Variants in PLCE1 observed in about 807,000 individuals in gnomAD.
PLCE1 encodes phospholipase C epsilon 1.
PLCE1 carries 119 observed loss-of-function variants against 242.8 expected under a neutral mutation model. The ratio of observed to expected loss-of-function variants is 0.49; its 90% CI spans 0.42 to 0.57. The LOEUF (loss-of-function observed/expected upper bound fraction) is 0.57. Ranked by LOEUF, PLCE1 falls within the 20% of genes least tolerant of loss-of-function variation. PLCE1 has a pLI of 0.00. For missense variants in PLCE1, 2,441 were observed against 2,788.8 expected (o/e 0.88, Z 2.81); for synonymous variants, 945 against 1,017.4 (o/e 0.93, Z 1.35).
chr10:94,000,389 C>T (rs1452532452), intron 1 of PLCE1, among the ~76,000 whole-genome samples: 2 of 152,154 alleles, frequency 1.3e-5, no homozygotes, highest in Non-Finnish European at 2.9e-5. Flanking sequence ...TAAGCATCCT[C>T]ATCTACATTA....
intron 2 of PLCE1, among the ~76,000 whole-genome samples, chr10:94,084,388 A>G (rs2044741268): frequency 6.6e-6 from 1 of 152,066 alleles, no homozygotes; most frequent in African/African-American, 2.4e-5. Flanking sequence ...TGGGGTAGGG[A>G]AGAACTGGAC....
At chr10:94,106,943 T>TCTCTCTCTCTCTCTCTCTCTCTCTCTCC (rs1222191133) in intron 2 of PLCE1, 1 of 122,488 alleles carries the variant, frequency 8.2e-6, no homozygotes, top group African/African-American at 3.3e-5. Flanking sequence ...TCTCTCTCTC[T>TCTCTCTCTCTCTCTCTCTCTCTCTCTCC]CCCCCTCCCC....
intron 26 of PLCE1, among the ~76,000 whole-genome samples, chr10:94,307,572 T>C (rs1302556767): frequency 6.6e-6 from 1 of 152,224 alleles, no homozygotes; most frequent in East Asian, 1.9e-4. Flanking sequence ...TCCTCGCAGT[T>C]CTGAAGGCTG....
intron 3 of PLCE1, among the ~76,000 whole-genome samples, chr10:94,134,922 C>A (rs537005623): frequency 1.2e-4 from 18 of 152,290 alleles, no homozygotes; most frequent in Admixed American, 2.6e-4. Context: ...TTTCTGAGAA[C>A]CCTCTAGAAA....
At chr10:94,221,751 A>G (rs2137087912) in intron 4 of PLCE1, among the ~76,000 whole-genome samples, 1 of 152,338 alleles carries the variant, frequency 6.6e-6, no homozygotes, top group East Asian at 1.9e-4. Context: ...AAGAAGAAGA[A>G]GAAGAAGAAG....
intron 22 of PLCE1, among the ~76,000 whole-genome samples, chr10:94,292,907 C>T (rs1343521887): frequency 1.3e-5 from 2 of 152,194 alleles, no homozygotes; most frequent in Non-Finnish European, 2.9e-5. Flanking sequence ...CTGCTCTGCA[C>T]CAGGCACTGT....
chr10:94,258,362 C>A (rs1230229727), intron 11 of PLCE1, among the ~76,000 whole-genome samples: 1 of 152,168 alleles, frequency 6.6e-6, no homozygotes. Context: ...AGGAATCAGA[C>A]AATACACTCA....
At chr10:94,310,924 CT>C (rs1479552775) in intron 27 of PLCE1, among the ~76,000 whole-genome samples, 1 of 152,194 alleles carries the variant, frequency 6.6e-6, no homozygotes, top group East Asian at 1.9e-4. Flanking sequence ...GTCACCAGGA[CT>C]TCTGACCAAA....
At chr10:94,249,192 C>A (rs777738022) in intron 8 of PLCE1, among the ~76,000 whole-genome samples, 6 of 152,118 alleles carry the variant, frequency 3.9e-5, no homozygotes, top group Non-Finnish European at 7.4e-5. Context: ...AGGCAACGTG[C>A]CTTAGAAACA....
At chr10:94,042,251 G>A (rs2061784066) in intron 2 of PLCE1, among the ~76,000 whole-genome samples, 1 of 152,134 alleles carries the variant, frequency 6.6e-6, no homozygotes, top group Non-Finnish European at 1.5e-5. Flanking sequence ...CAGAGGATTT[G>A]GCTAAGCCTG....
chr10:94,057,333 A>T (rs2043935748), intron 2 of PLCE1, among the ~76,000 whole-genome samples: 1 of 152,156 alleles, frequency 6.6e-6, no homozygotes, highest in Non-Finnish European at 1.5e-5. Flanking sequence ...TCTTCAAAAA[A>T]ATTTATTTTC....
chr10:94,326,028 A>G (rs2054003698), intron 32 of PLCE1, among the ~76,000 whole-genome samples: 1 of 152,198 alleles, frequency 6.6e-6, no homozygotes, highest in Non-Finnish European at 1.5e-5. Context: ...AAAGCAAATT[A>G]TTTACATGAG....
At chr10:94,083,630 A>C (rs1387360268) in intron 2 of PLCE1, among the ~76,000 whole-genome samples, 1 of 152,216 alleles carries the variant, frequency 6.6e-6, no homozygotes, top group East Asian at 1.9e-4. Context: ...ATTTGCTAGA[A>C]GTATTTTTCC....
intron 4 of PLCE1, among the ~76,000 whole-genome samples, chr10:94,171,890 C>G (rs2047992034): frequency 6.6e-6 from 1 of 152,126 alleles, no homozygotes; most frequent in African/African-American, 2.4e-5. Flanking sequence ...ATTCGTATAA[C>G]CAACCCCCTG....
At chr10:93,995,760 T>C (rs2134128927) in intron 1 of PLCE1, among the ~76,000 whole-genome samples, 1 of 152,370 alleles carries the variant, frequency 6.6e-6, no homozygotes, top group Non-Finnish European at 1.5e-5. Context: ...CAGATTGAAC[T>C]GGAGGGACAT....
chr10:94,082,158 T>C (rs1456200070), intron 2 of PLCE1: 1 of 152,234 alleles, frequency 6.6e-6, no homozygotes, highest in Non-Finnish European at 1.5e-5. Flanking sequence ...AATGCCTTCC[T>C]TCCCAGCCTC....
chr10:94,220,955 G>A (rs898247387), intron 4 of PLCE1, among the ~76,000 whole-genome samples: 2 of 152,152 alleles, frequency 1.3e-5, no homozygotes, highest in African/African-American at 4.8e-5. Flanking sequence ...GCTTCCCCTT[G>A]TTCCAAATGG....
At chr10:94,272,266 A>G (rs747349431) in intron 18 of PLCE1, among the ~76,000 whole-genome samples, 1 of 152,156 alleles carries the variant, frequency 6.6e-6, no homozygotes, top group East Asian at 1.9e-4. Flanking sequence ...CAGGAATGCA[A>G]TTCTTTTCCT....
In PLCE1 at chr10:94,298,479, T is replaced by C. The variant is rs2052921115; in HGVS notation, c.5268T>C (p.His1756=). 1 of 1,614,138 alleles carries C rather than the reference T, an allele frequency of 6.2e-7. No individual in the cohort carries two copies. The highest frequency in any genetic ancestry group is 8.5e-7 in the Non-Finnish European group (1 of 1,179,992). ...SAIIRTPKCY[H]ISSLNENAAK... ...TCATTAGAACTCCCAAATGTTATCA[T>C]ATCTCGTCGCTGAATGAAAATGCCG... The change falls in exon 24 of 33, where the codon CAT becomes CAC. Residue 1756 remains histidine, a synonymous_variant. Coordinates refer to ENST00000371380, the MANE Select transcript of PLCE1 (RefSeq NM_016341.4). This position sits in a 1 kb window ranked among gnomAD's most constrained non-coding sequence, Gnocchi z 5.2.
Sources: allele counts gnomAD v4.1 joint callset (sites outside exome capture counted in the v4.1 genomes callset), GRCh38; gene constraint gnomAD v4.1.1; non-coding constraint Gnocchi (gnomAD v3.1); transcripts MANE v1.5; gene names NCBI Gene and HGNC (gene_info 2026-07-23, HGNC 2026-07-21).